Variants in RREB1 observed in about 807,000 individuals in gnomAD.
RREB1 encodes ras responsive element binding protein 1.
A neutral mutation model predicts 117.8 loss-of-function variants in RREB1; 27 were observed. That is an observed-to-expected ratio of 0.23 (90% CI 0.17 to 0.32). RREB1 has a LOEUF of 0.32. Among genes scored for constraint, RREB1 ranks in the 10% least tolerant of loss-of-function variants. RREB1 has a pLI of 1.00. For synonymous variants in RREB1, 1,298 were observed against 1,026.7 expected (o/e 1.26, Z -5.05); for missense variants, 2,577 against 2,378.2 (o/e 1.08, Z -1.74).
At chr6:7,119,057 T>C (rs1045118202) in intron 1 of RREB1, among the ~76,000 whole-genome samples, 3 of 152,080 alleles carry the variant, frequency 2.0e-5, no homozygotes, top group Non-Finnish European at 4.4e-5. Context: ...TTTACTGGTA[T>C]GGGAAAGATA....
chr6:7,239,052 C>T (rs1213061585), intron 10 of RREB1, among the ~76,000 whole-genome samples: 1 of 152,246 alleles, frequency 6.6e-6, no homozygotes, highest in East Asian at 1.9e-4. Flanking sequence ...CACGTGGCCC[C>T]TCTGGCTGGT....
At position 7,246,453 on chromosome 6, in the gene RREB1, G is replaced by C; in HGVS notation, c.4003G>C (p.Ala1335Pro). The stretch of plus-strand genomic sequence containing the variant: ...TCAGTCGGATGCGGAGACTGCAGCC[G>C]CCGCGGGCGAAGTGCTAGACCTCAC... ...DSQSDAETAA[A>P]AGEVLDLTSR... Residue 1335 changes from alanine to proline, a missense_variant, in exon 12 of 13, where the codon GCC (alanine) becomes CCC (proline). Transcript: ENST00000379938. The C allele has an allele frequency of 6.6e-7, 1 of 1,505,874 alleles. No homozygotes were observed. Among genetic ancestry groups the C allele is most frequent in the Non-Finnish European group, 8.9e-7 (1 of 1,123,042 alleles). 93.3% of individuals were successfully genotyped at this position (1,505,874 alleles called of 1,614,324 possible).
intron 1 of RREB1, among the ~76,000 whole-genome samples, chr6:7,162,700 C>T (rs140577756): frequency 2.6e-5 from 4 of 152,238 alleles, no homozygotes; most frequent in African/African-American, 9.6e-5. Context: ...TTTTAAGCCA[C>T]TAATTTTAAC....
At chr6:7,176,133 T>C (rs1346682662) in intron 1 of RREB1, among the ~76,000 whole-genome samples, 1 of 152,190 alleles carries the variant, frequency 6.6e-6, no homozygotes, top group African/African-American at 2.4e-5. Flanking sequence ...TCCAGGCTGG[T>C]CTCGAACTCC....
chr6:7,232,790 G>C (rs1581580013), intron 10 of RREB1, among the ~76,000 whole-genome samples: 1 of 130,004 alleles, frequency 7.7e-6, no homozygotes, highest in Non-Finnish European at 1.6e-5. Flanking sequence ...TTAAATAAAA[G>C]AGTCTCACTA....
At chr6:7,157,579 T>G (rs969213427) in intron 1 of RREB1, among the ~76,000 whole-genome samples, 2 of 151,908 alleles carry the variant, frequency 1.3e-5, no homozygotes, top group African/African-American at 4.8e-5. Context: ...GAGACCAGCC[T>G]GGGCAACATA....
chr6:7,210,764 CTTT>C (rs762878810), intron 6 of RREB1, 37 bp from the exon 7 acceptor site: 3 of 1,553,138 alleles, frequency 1.9e-6, no homozygotes, highest in South Asian at 2.4e-5. Context: ...GAACTGACTT[CTTT>C]GTTAGATCAC....
chr6:7,154,871 G>A lies in RREB1; in HGVS notation c.-284-21784G>A, dbSNP rs1484562068. Among the ~76,000 whole-genome samples the A allele has an allele frequency of 3.9e-5, 6 of 152,178 alleles. No homozygotes were observed. In the East Asian group the frequency reaches 1.2e-3, roughly 29 times the overall value. ...TTCGCAGGAAGTGTGGTGTGCTGGT[G>A]ACAGTTCACATTCCAAGTTAAGCCC... is the stretch of plus-strand genomic sequence containing the variant. On this transcript the variant is annotated intron_variant, in intron 1 of 12. Transcript: ENST00000379938.
At chr6:7,226,403 G>A in intron 8 of RREB1, 64 bp from the exon 9 acceptor site, 5 of 1,263,148 alleles carry the variant, frequency 4.0e-6, no homozygotes, top group Non-Finnish European at 5.4e-6. Context: ...TGGAAACTCT[G>A]ACTTAACTGC....
intron 2 of RREB1, among the ~76,000 whole-genome samples, chr6:7,180,274 G>T (rs1189456175): frequency 6.6e-6 from 1 of 152,146 alleles, no homozygotes; most frequent in Non-Finnish European, 1.5e-5. Flanking sequence ...GGCTGGTACT[G>T]CAGGTTTGTA....
chr6:7,117,588 T>A (rs1761470840), intron 1 of RREB1, among the ~76,000 whole-genome samples: 2 of 151,670 alleles, frequency 1.3e-5, no homozygotes. Context: ...GTATTTTTTT[T>A]AGTAGAGATG....
In RREB1 at chr6:7,230,235, C is replaced by G; in HGVS notation, c.2136C>G (p.Ala712=). 1 of 1,603,446 alleles carries G rather than the reference C, an allele frequency of 6.2e-7. No homozygotes were observed. The highest frequency in any genetic ancestry group is 1.7e-5 in the Admixed American group (1 of 60,000). The change falls in exon 10 of 13, where the codon GCC becomes GCG. Residue 712 remains alanine (A), a synonymous_variant. Coordinates refer to ENST00000379938, the MANE Select transcript of RREB1 (RefSeq NM_001003699.4). The part of the protein sequence containing the change: ...KICHYPFTVK[A]NCERHLRKKH... ...GCCACTACCCCTTCACTGTCAAAGCCAACTGCGAGCGGCACCTGCGCAAGA... is the reference window on the plus strand; with the variant it reads ...GCCACTACCCCTTCACTGTCAAAGCGAACTGCGAGCGGCACCTGCGCAAGA...
chr6:7,194,756 G>A (rs1444175830), intron 6 of RREB1, among the ~76,000 whole-genome samples: 1 of 152,168 alleles, frequency 6.6e-6, no homozygotes, highest in African/African-American at 2.4e-5. Flanking sequence ...ATTTAATAAT[G>A]TTTGTAAAAG....
At chr6:7,176,464 C>G (rs1764506262) in intron 1 of RREB1, among the ~76,000 whole-genome samples, 191 bp from the exon 2 acceptor site, 1 of 152,122 alleles carries the variant, frequency 6.6e-6, no homozygotes, top group Admixed American at 6.5e-5. Flanking sequence ...CACTCAGTTC[C>G]AAGCTCTTAC....
intron 1 of RREB1, among the ~76,000 whole-genome samples, chr6:7,156,963 C>G (rs892700723): frequency 2.0e-5 from 3 of 152,162 alleles, no homozygotes; most frequent in African/African-American, 7.2e-5. Flanking sequence ...CCCCTCTGTT[C>G]AGCTTCGTCG....
intron 1 of RREB1, among the ~76,000 whole-genome samples, chr6:7,176,178 A>G (rs1352573423): frequency 6.6e-6 from 1 of 152,152 alleles, no homozygotes; most frequent in East Asian, 1.9e-4. Context: ...TGGCCTCCCA[A>G]AGTGCGGGGA....
chr6:7,119,276 T>C (rs916140219), intron 1 of RREB1, among the ~76,000 whole-genome samples: 5 of 151,914 alleles, frequency 3.3e-5, no homozygotes, highest in Non-Finnish European at 7.4e-5. Context: ...GCTTGAACCC[T>C]GGAGGCAGAG....
At chr6:7,109,675 C>A (rs1449522785) in intron 1 of RREB1, among the ~76,000 whole-genome samples, 1 of 152,244 alleles carries the variant, frequency 6.6e-6, no homozygotes, top group East Asian at 1.9e-4. Flanking sequence ...CAGATTTGCC[C>A]TCCCTCGCTC....
intron 8 of RREB1, among the ~76,000 whole-genome samples, chr6:7,224,292 CT>C (rs1387992570): frequency 2.0e-5 from 3 of 152,106 alleles, no homozygotes; most frequent in African/African-American, 2.4e-5. Flanking sequence ...CATTATATAT[CT>C]TTTTTTAAAA....
Sources: gnomAD v4.1 joint callset for allele counts (sites outside exome capture counted in the v4.1 genomes callset) on GRCh38, gnomAD v4.1.1 for gene constraint, MANE v1.5 for transcripts, NCBI Gene and HGNC (gene_info 2026-07-23, HGNC 2026-07-21) for gene names.